MTUS1: variants seen among roughly 807,000 people sequenced by gnomAD.
The protein encoded by MTUS1 is microtubule associated scaffold protein 1.
In MTUS1, 109 loss-of-function variants were observed where a neutral mutation model predicts 120.8. That is an observed-to-expected ratio of 0.90 (90% CI 0.77 to 1.06). The LOEUF is 1.06. Among genes scored for constraint, MTUS1 ranks in the 50% least tolerant of loss-of-function variants. The pLI, the probability that MTUS1 is intolerant of heterozygous loss-of-function variation, is 0.00. For synonymous variants in MTUS1, 737 were observed against 550.5 expected (o/e 1.34, Z -4.74); for missense variants, 2,210 against 1,486.3 (o/e 1.49, Z -8.01).
chr8:17,727,903 A>G (rs1022685479), intron 3 of MTUS1, among the ~76,000 whole-genome samples: 5 of 152,174 alleles, frequency 3.3e-5, no homozygotes, highest in Non-Finnish European at 2.9e-5. Flanking sequence ...TTTGCCTTAG[A>G]TAGTAACACA....
intron 6 of MTUS1, chr8:17,697,529 A>C: frequency 7.1e-7 from 1 of 1,415,102 alleles, no homozygotes; most frequent in Non-Finnish European, 9.2e-7. Flanking sequence ...AGAGAGGCAT[A>C]GAAGAAAAAA....
chr8:17,789,334 T>A (rs553730631), intron 1 of MTUS1, among the ~76,000 whole-genome samples: 5 of 152,256 alleles, frequency 3.3e-5, no homozygotes, highest in African/African-American at 4.8e-5. Flanking sequence ...CCCGGCCACT[T>A]TTAGTTTTTA....
At chr8:17,724,659 C>T (rs1032561209) in intron 3 of MTUS1, among the ~76,000 whole-genome samples, 1 of 152,208 alleles carries the variant, frequency 6.6e-6, no homozygotes, top group Non-Finnish European at 1.5e-5. Flanking sequence ...AAACTACATT[C>T]TCCTGATGCT....
intron 2 of MTUS1, among the ~76,000 whole-genome samples, chr8:17,745,566 A>T (rs1012225509): frequency 9.2e-5 from 14 of 151,944 alleles, no homozygotes; most frequent in Admixed American, 1.3e-4. Flanking sequence ...AACAATTAAA[A>T]CTCTTCACAG....
In MTUS1 at chr8:17,649,877, T is replaced by C. The variant is rs1806607107; in HGVS notation, c.3470A>G (p.Gln1157Arg). 6.2e-7 allele frequency: 1 copy of C among 1,603,158 alleles called. No homozygotes were observed. Among genetic ancestry groups the C allele is most frequent in the Non-Finnish European group, 8.5e-7 (1 of 1,170,188 alleles). ...LEIKNEKLHQ[Q>R]DIKLMKMEKL... ...CTCCATTTTCATTAACTTGATGTCC[T>C]GTTGATGCAGTTTCTCATTCTTGAT... The change falls in exon 13 of 15, where the codon CAG becomes CGG. Residue 1157 changes from glutamine to arginine, a missense_variant. Gln to Arg is a conservative substitution (Grantham distance 43). Coordinates refer to ENST00000693296, the MANE Select transcript of MTUS1 (RefSeq NM_001363059.2).
chr8:17,720,751 T>A (rs2045772873), intron 4 of MTUS1, among the ~76,000 whole-genome samples: 1 of 152,252 alleles, frequency 6.6e-6, no homozygotes, highest in African/African-American at 2.4e-5. Context: ...GTTACTTTAA[T>A]GATCTTAAAA....
intron 4 of MTUS1, among the ~76,000 whole-genome samples, chr8:17,717,122 C>A (rs969017920): frequency 6.6e-6 from 1 of 152,112 alleles, no homozygotes; most frequent in Non-Finnish European, 1.5e-5. Flanking sequence ...TATTATTTTC[C>A]CCTAATCCAC....
At chr8:17,773,152 C>G (rs1177199137) in intron 1 of MTUS1, among the ~76,000 whole-genome samples, 1 of 152,100 alleles carries the variant, frequency 6.6e-6, no homozygotes, top group African/African-American at 2.4e-5. Context: ...AAAAGATATA[C>G]AGTAAAATAA....
chr8:17,703,300 G>A (rs1408197239), intron 6 of MTUS1, among the ~76,000 whole-genome samples: 1 of 152,114 alleles, frequency 6.6e-6, no homozygotes, highest in Non-Finnish European at 1.5e-5. Flanking sequence ...CTGGGGGTAG[G>A]TCTATAAACG....
rs781054052 is a variant in MTUS1 at position 17,656,544 on chromosome 8, A to ACC, written c.2906-480_2906-479insGG. 2.3e-3 allele frequency among the ~76,000 whole-genome samples: 157 copies of ACC among 68,754 alleles called. 2 individuals carry two copies. The highest frequency in any genetic ancestry group is 5.3e-3 in the African/African-American group (123 of 23,212). 45.1% of individuals were successfully genotyped at this position (68,754 alleles called of 152,430 possible). ...CTCCATCTCAAAAACAAACAAACAA[A>ACC]ACCCCCCCCCACCCCACATTCAAAA... On this transcript the variant is annotated intron_variant, in intron 8 of 14. Coordinates refer to ENST00000693296, the MANE Select transcript of MTUS1 (RefSeq NM_001363059.2).
At chr8:17,791,962 G>A (rs561578603) in intron 1 of MTUS1, among the ~76,000 whole-genome samples, 12 of 152,210 alleles carry the variant, frequency 7.9e-5, no homozygotes, top group South Asian at 2.1e-4. Context: ...ACCTTCCAGC[G>A]TCCTGATGAG....
At chr8:17,671,274 TAA>T (rs560135727) in intron 8 of MTUS1, among the ~76,000 whole-genome samples, 6,259 of 139,816 alleles carry the variant, frequency 0.045, 436 homozygotes, top group African/African-American at 0.15. Flanking sequence ...TACATTGTTC[TAA>T]AAAAAAAAAA....
chr8:17,651,066 C>A (rs10503598), intron 12 of MTUS1, among the ~76,000 whole-genome samples: 94,738 of 151,904 alleles, frequency 0.62, 29,663 homozygotes, highest in Middle Eastern at 0.7. Context: ...GGGTTAAGCG[C>A]CCTACTCAGG....
chr8:17,703,341 G>A (rs539471346), intron 6 of MTUS1, among the ~76,000 whole-genome samples: 90 of 152,232 alleles, frequency 5.9e-4, no homozygotes, highest in African/African-American at 2.1e-3. Context: ...CCTATGCGGT[G>A]GAGATAGCTT....
chr8:17,764,879 G>A (rs759816213), intron 1 of MTUS1, among the ~76,000 whole-genome samples: 8 of 152,246 alleles, frequency 5.3e-5, no homozygotes, highest in Non-Finnish European at 7.4e-5. Flanking sequence ...ACTTTTCTGC[G>A]GACCAGGAGG....
chr8:17,651,480 A>C (rs1806977392), intron 12 of MTUS1: 1 of 152,008 alleles, frequency 6.6e-6, no homozygotes, highest in South Asian at 2.1e-4. Flanking sequence ...ACTAAGTATC[A>C]ATTTTTAAAT....
intron 7 of MTUS1, among the ~76,000 whole-genome samples, chr8:17,682,322 C>T (rs1814712586): frequency 6.6e-6 from 1 of 152,070 alleles, no homozygotes; most frequent in South Asian, 2.1e-4. Context: ...TCAAGACCAG[C>T]CTGGCCCACA....
chr8:17,754,526 T>G lies in MTUS1; in HGVS notation c.1282A>C (p.Met428Leu). 6.2e-7 allele frequency: 1 copy of G among 1,614,228 alleles called. No homozygotes were observed. Among genetic ancestry groups the G allele is most frequent in the South Asian group, 1.1e-5 (1 of 91,082 alleles). ...GTGGGTTCTAGGACTGGTGTTGACA[T>G]GCACATCGTTTTGTCTGTGCTAATG... ...MVISTDKTMC[M>L]STPVLEPTKV... The change falls in exon 2 of 15, where the codon ATG (methionine) becomes CTG (leucine). Residue 428 changes from methionine to leucine, a missense_variant. Coordinates refer to ENST00000693296, the MANE Select transcript of MTUS1 (RefSeq NM_001363059.2).
At chr8:17,706,358 G>A (rs1421391825) in intron 6 of MTUS1, among the ~76,000 whole-genome samples, 3 of 152,120 alleles carry the variant, frequency 2.0e-5, no homozygotes, top group Non-Finnish European at 4.4e-5. Context: ...GACACAAATA[G>A]AAAGCAGCAG....
Sources: allele counts gnomAD v4.1 joint callset (sites outside exome capture counted in the v4.1 genomes callset), GRCh38; gene constraint gnomAD v4.1.1; transcripts MANE v1.5; gene names NCBI Gene and HGNC (gene_info 2026-07-23, HGNC 2026-07-21).